NRG1: variants seen among roughly 807,000 people sequenced by gnomAD.
The protein encoded by NRG1 is neuregulin 1.
In NRG1, 18 loss-of-function variants were observed where a neutral mutation model predicts 63.8. That is an observed-to-expected ratio of 0.28 (90% CI 0.19 to 0.42). The LOEUF is 0.42. NRG1 is among the 10% of genes least tolerant of loss of function. The pLI, the probability that NRG1 is intolerant of heterozygous loss-of-function variation, is 1.00. For missense variants in NRG1, 762 were observed against 814.7 expected (o/e 0.94, Z 0.79); for synonymous variants, 302 against 301.3 (o/e 1.00, Z -0.02).
chr8:32,275,275 C>T (rs1006715987), intron 1 of NRG1, among the ~76,000 whole-genome samples: 2 of 152,210 alleles, frequency 1.3e-5, no homozygotes, highest in Admixed American at 6.5e-5. Context: ...GTGTTAGGCA[C>T]TGTTCCAGGG....
chr8:31,639,947 C>G, intron 1 of NRG1: 1 of 1,123,562 alleles, frequency 8.9e-7, no homozygotes, highest in South Asian at 4.3e-5. Flanking sequence ...CGGGCAGAGT[C>G]CGAACCGACA....
chr8:32,460,043 G>A (rs886942499), intron 1 of NRG1, among the ~76,000 whole-genome samples: 3 of 152,114 alleles, frequency 2.0e-5, no homozygotes, highest in African/African-American at 7.2e-5. Flanking sequence ...TCTTTTGTCT[G>A]TTTCCTGCCA....
intron 1 of NRG1, among the ~76,000 whole-genome samples, chr8:32,329,725 G>GAA (rs1012246209): frequency 6.6e-6 from 1 of 151,082 alleles, no homozygotes; most frequent in Non-Finnish European, 1.5e-5. Context: ...ACAAAAACAG[G>GAA]AAAAAAAACC....
At chr8:32,709,094 A>T (rs1309995699) in intron 5 of NRG1, among the ~76,000 whole-genome samples, 1 of 152,236 alleles carries the variant, frequency 6.6e-6, no homozygotes, top group Non-Finnish European at 1.5e-5. Context: ...TCTCAAGGAC[A>T]TTAAACACTC....
intron 1 of NRG1, among the ~76,000 whole-genome samples, chr8:31,765,385 G>C (rs569418835): frequency 9.7e-4 from 148 of 152,228 alleles, no homozygotes; most frequent in Middle Eastern, 3.4e-3. Context: ...AAAGCAGTGA[G>C]AGCAGAAATG....
At chr8:31,909,305 C>A (rs1008875800) in intron 1 of NRG1, among the ~76,000 whole-genome samples, 9 of 151,990 alleles carry the variant, frequency 5.9e-5, no homozygotes, top group African/African-American at 1.9e-4. Flanking sequence ...TTTATAACAT[C>A]CCTTTACAGA....
At chr8:32,262,120 A>G (rs1356111961) in intron 1 of NRG1, among the ~76,000 whole-genome samples, 1 of 152,186 alleles carries the variant, frequency 6.6e-6, no homozygotes, top group Non-Finnish European at 1.5e-5. Context: ...GTGAGCGTAA[A>G]CCACATGATG....
chr8:31,781,933 G>A (rs747605644), intron 1 of NRG1, among the ~76,000 whole-genome samples: 6 of 152,110 alleles, frequency 3.9e-5, no homozygotes, highest in Non-Finnish European at 8.8e-5. Context: ...GAGACTTTCT[G>A]TGGCTAAGAG....
At chr8:32,225,826 T>G (rs1443473652) in intron 1 of NRG1, among the ~76,000 whole-genome samples, 1 of 152,180 alleles carries the variant, frequency 6.6e-6, no homozygotes, top group African/African-American at 2.4e-5. Context: ...GAGTGTGTTA[T>G]TAAAATGATT....
intron 1 of NRG1, among the ~76,000 whole-genome samples, chr8:32,084,377 G>T (rs1224158280): frequency 6.6e-6 from 1 of 152,084 alleles, no homozygotes; most frequent in African/African-American, 2.4e-5. Context: ...TCCTTTCCAG[G>T]AAAGTTCTAT....
At chr8:32,607,840 C>T (rs1317597649) in intron 3 of NRG1, among the ~76,000 whole-genome samples, 1 of 152,030 alleles carries the variant, frequency 6.6e-6, no homozygotes, top group Non-Finnish European at 1.5e-5. Context: ...AAACAACCAA[C>T]AAAAATTCTT....
chr8:32,226,052 C>T (rs570472337), intron 1 of NRG1, among the ~76,000 whole-genome samples: 7 of 152,210 alleles, frequency 4.6e-5, no homozygotes, highest in Non-Finnish European at 7.4e-5. Context: ...GTTCAAGAAC[C>T]TGTTGCATTG....
chr8:32,684,693 G>A (rs1809607142), intron 5 of NRG1, among the ~76,000 whole-genome samples: 1 of 151,928 alleles, frequency 6.6e-6, no homozygotes, highest in African/African-American at 2.4e-5. Context: ...TCTCAAATTT[G>A]AACAGACAAC....
At chr8:31,977,012 G>C (rs327419) in intron 1 of NRG1, among the ~76,000 whole-genome samples, 128,423 of 151,730 alleles carry the variant, frequency 0.85, 55,223 homozygotes, top group African/African-American at 0.96. Context: ...ATTCCATATA[G>C]AGTGTTTGCA....
intron 1 of NRG1, among the ~76,000 whole-genome samples, chr8:31,792,549 T>TA (rs1182506588): frequency 3.9e-5 from 6 of 152,242 alleles, no homozygotes; most frequent in South Asian, 4.1e-4. Context: ...ACTCAGATTT[T>TA]AAAAAAATTG....
chr8:32,017,191 C>G (rs1299714339), intron 1 of NRG1, among the ~76,000 whole-genome samples: 3 of 152,186 alleles, frequency 2.0e-5, no homozygotes, highest in African/African-American at 7.2e-5. Context: ...AAAGCCTTAT[C>G]TCTGCATATT....
At chr8:32,452,873 C>T (rs1025253401) in intron 1 of NRG1, among the ~76,000 whole-genome samples, 11 of 152,040 alleles carry the variant, frequency 7.2e-5, no homozygotes, top group African/African-American at 2.4e-4. Flanking sequence ...TTCTAATTTC[C>T]CTTTAATAAG....
chr8:31,824,178 C>G (rs1173898212), intron 1 of NRG1, among the ~76,000 whole-genome samples: 1 of 122,662 alleles, frequency 8.2e-6, no homozygotes, highest in African/African-American at 3.0e-5. Flanking sequence ...TCCCCCCTCC[C>G]CCCACCCCAC....
In NRG1 at chr8:32,756,622, T is replaced by C. The variant is rs1286940579; in HGVS notation, c.921+93T>C. The C allele has an allele frequency of 3.4e-6, 5 of 1,454,460 alleles. No individual in the cohort carries two copies. The South Asian group carries it at 4.4e-5, about 13-fold the overall frequency. The allele number at this position is 1,454,460 out of a possible 1,614,324, so 90.1% of individuals were successfully genotyped here. A position where few individuals can be genotyped will look rare whatever the true frequency, so the allele number is the denominator to read the frequency against. On this transcript the variant is annotated intron_variant, in intron 9 of 11. Coordinates refer to ENST00000356819, the Ensembl canonical transcript of NRG1. ...TTTCGAAAGCTCTTAAGCTTTTAGCTGCTGCCATTAATCACCATGGCTTCC... is the reference window on the plus strand; with the variant it reads ...TTTCGAAAGCTCTTAAGCTTTTAGCCGCTGCCATTAATCACCATGGCTTCC...
Sources: gnomAD v4.1 joint callset for allele counts (sites outside exome capture counted in the v4.1 genomes callset) on GRCh38, gnomAD v4.1.1 for gene constraint, MANE v1.5 for transcripts, NCBI Gene and HGNC (gene_info 2026-07-23, HGNC 2026-07-21) for gene names.